Variants in ARHGAP10 observed in about 807,000 individuals in gnomAD.
ARHGAP10 encodes rho GTPase-activating protein 10.
ARHGAP10 carries 87 observed loss-of-function variants against 108.6 expected under a neutral mutation model. The ratio of observed to expected loss-of-function variants is 0.80; its 90% CI spans 0.67 to 0.96. ARHGAP10 has a LOEUF of 0.96. Ranked by LOEUF, ARHGAP10 falls within the 40% of genes least tolerant of loss-of-function variation. The pLI is 0.00. For missense variants in ARHGAP10, 939 were observed against 954.5 expected, an observed-to-expected ratio of 0.98 and a Z score of 0.21; for synonymous variants, 347 against 341.1, an observed-to-expected ratio of 1.02 and a Z score of -0.19.
rs539000271 is a variant in ARHGAP10, at chr4:147,990,071, C to T, written c.1716+23232C>T. Among the ~76,000 whole-genome samples the T allele has an allele frequency of 4.6e-5, 7 of 152,342 alleles. No individual in the cohort carries two copies. The South Asian group carries it at 1.2e-3, about 27-fold the overall frequency. On this transcript the variant is annotated intron_variant, in intron 18 of 22. Transcript: ENST00000336498. ...TTCCCGCAACACTCCTGATATTCAGCCTTCTGCCTGAATGAGGAGGAGGAA... is the reference window on the plus strand; with the variant it reads ...TTCCCGCAACACTCCTGATATTCAGTCTTCTGCCTGAATGAGGAGGAGGAA...
intron 19 of ARHGAP10, among the ~76,000 whole-genome samples, chr4:148,045,265 G>T (rs1464423850): frequency 6.6e-6 from 1 of 152,090 alleles, no homozygotes; most frequent in Admixed American, 6.5e-5. Context: ...ACTCCTGCTT[G>T]TCTGGATTCA....
intron 1 of ARHGAP10, among the ~76,000 whole-genome samples, chr4:147,818,481 G>C (rs1732349272): frequency 6.6e-6 from 1 of 150,586 alleles, no homozygotes. Flanking sequence ...CAGGAGAATT[G>C]CTTGAATCCG....
chr4:147,846,618 A>G (rs920053274), intron 3 of ARHGAP10, among the ~76,000 whole-genome samples: 5 of 152,160 alleles, frequency 3.3e-5, no homozygotes, highest in Non-Finnish European at 7.4e-5. Flanking sequence ...AGCACGCCCA[A>G]GCATTTGACT....
chr4:147,907,562 T>A (rs974982644), intron 11 of ARHGAP10, among the ~76,000 whole-genome samples: 1 of 152,260 alleles, frequency 6.6e-6, no homozygotes, highest in Admixed American at 6.5e-5. Context: ...GAAACAGGTT[T>A]CAGAATAGAG....
chr4:147,772,614 C>T (rs887167548), intron 1 of ARHGAP10, among the ~76,000 whole-genome samples: 50 of 152,320 alleles, frequency 3.3e-4, no homozygotes, highest in African/African-American at 1.0e-3. Context: ...AATCATCTGT[C>T]GCCCAGGGAA....
chr4:147,905,316 G>A (rs1288831008), intron 10 of ARHGAP10, among the ~76,000 whole-genome samples: 1 of 148,050 alleles, frequency 6.8e-6, no homozygotes, highest in Non-Finnish European at 1.5e-5. Context: ...CCATGCCTAT[G>A]TCCTGAATGG....
intron 16 of ARHGAP10, among the ~76,000 whole-genome samples, chr4:147,961,282 G>C (rs1738982707): frequency 6.6e-6 from 1 of 152,116 alleles, no homozygotes; most frequent in Non-Finnish European, 1.5e-5. Context: ...GTTAACTTCT[G>C]TTTCACCGAT....
In ARHGAP10 at chr4:147,866,798, A is replaced by C; in HGVS notation, c.684A>C (p.Leu228=). 1 of 1,609,844 alleles carries C rather than the reference A, an allele frequency of 6.2e-7. No homozygotes were observed. The highest frequency in any genetic ancestry group is 1.1e-5 in the South Asian group (1 of 90,852). ...ACTTCAATCACTACAAAATGGAACTACAGATCAACATTCAGAATGTAAGGA... is the reference window on the plus strand; with the variant it reads ...ACTTCAATCACTACAAAATGGAACTCCAGATCAACATTCAGAATGTAAGGA... ...AKDFNHYKME[L]QINIQNTRNR... The change falls in exon 7 of 23, where the codon CTA becomes CTC. Residue 228 remains leucine (L), a synonymous_variant. Transcript: ENST00000336498.
chr4:147,787,236 T>C (rs1244506192), intron 1 of ARHGAP10, among the ~76,000 whole-genome samples: 3 of 152,078 alleles, frequency 2.0e-5, no homozygotes, highest in African/African-American at 7.2e-5. Flanking sequence ...GAAGTAGTAT[T>C]TATTTATTTA....
intron 16 of ARHGAP10, among the ~76,000 whole-genome samples, chr4:147,964,722 G>A (rs1578739032): frequency 6.6e-6 from 1 of 152,154 alleles, no homozygotes. Flanking sequence ...ATGAAACACA[G>A]CATGTCAGAA....
intron 1 of ARHGAP10, among the ~76,000 whole-genome samples, chr4:147,791,556 GTA>G (rs113021790): frequency 4.6e-5 from 7 of 151,732 alleles, no homozygotes; most frequent in Non-Finnish European, 7.4e-5. Flanking sequence ...GTGCGCGCGT[GTA>G]TATATATATA....
chr4:147,883,565 T>G (rs1735423255), intron 10 of ARHGAP10, among the ~76,000 whole-genome samples: 1 of 152,210 alleles, frequency 6.6e-6, no homozygotes, highest in Non-Finnish European at 1.5e-5. Flanking sequence ...GTTTCCATTT[T>G]ATGATGAGAA....
At chr4:147,941,552 G>A (rs891422423) in intron 14 of ARHGAP10, among the ~76,000 whole-genome samples, 3 of 152,184 alleles carry the variant, frequency 2.0e-5, no homozygotes, top group Non-Finnish European at 4.4e-5. Flanking sequence ...CACACATATT[G>A]CTGGCAAGGG....
rs200578124 is a variant in ARHGAP10 at position 148,046,963 on chromosome 4, G to A, written c.1939G>A (p.Val647Met). ...SLDSLSSPSP[V>M]TTAVPGPPGP... Reference sequence around the variant, plus strand: ...GGACTCACTTTCCTCCCCGTCTCCCGTGACTACAGCTGTCCCTGGGCCTCC... The same window carrying A: ...GGACTCACTTTCCTCCCCGTCTCCCATGACTACAGCTGTCCCTGGGCCTCC... Residue 647 changes from valine to methionine, a missense_variant, in exon 20 of 23, where the codon GTG becomes ATG. Transcript: ENST00000336498. 3.7e-4 allele frequency: 591 copies of A among 1,614,090 alleles called. 3 individuals are homozygous for A. The South Asian group carries it at 5.6e-3, about 15-fold the overall frequency.
At chr4:148,022,605 A>G (rs1484090717) in intron 18 of ARHGAP10, among the ~76,000 whole-genome samples, 2 of 152,238 alleles carry the variant, frequency 1.3e-5, no homozygotes, top group Non-Finnish European at 2.9e-5. Context: ...GGAGCAGCAC[A>G]TTTTAATTAA....
chr4:147,840,109 C>A (rs983812271), intron 3 of ARHGAP10, among the ~76,000 whole-genome samples: 1 of 152,102 alleles, frequency 6.6e-6, no homozygotes, highest in African/African-American at 2.4e-5. Flanking sequence ...CCAGTGCAGG[C>A]ATGTGTGAGA....
chr4:147,854,704 C>T, intron 4 of ARHGAP10: 1 of 983,750 alleles, frequency 1.0e-6, no homozygotes, highest in Non-Finnish European at 1.2e-6. Flanking sequence ...CACAAAGAAA[C>T]AATAATACTC....
At chr4:147,773,342 A>G (rs1348462414) in intron 1 of ARHGAP10, among the ~76,000 whole-genome samples, 2 of 152,146 alleles carry the variant, frequency 1.3e-5, no homozygotes, top group East Asian at 3.8e-4. Flanking sequence ...TGCATCCTAT[A>G]TGCCTCACGG....
At chr4:147,934,401 A>G (rs1338271374) in intron 13 of ARHGAP10, among the ~76,000 whole-genome samples, 1 of 152,156 alleles carries the variant, frequency 6.6e-6, no homozygotes, top group Non-Finnish European at 1.5e-5. Context: ...AGAGACTTTG[A>G]TGGTGGATGG....
Sources: gnomAD v4.1 joint callset for allele counts (sites outside exome capture counted in the v4.1 genomes callset) on GRCh38, gnomAD v4.1.1 for gene constraint, MANE v1.5 for transcripts, NCBI Gene and HGNC (gene_info 2026-07-23, HGNC 2026-07-21) for gene names.